The following CABCOCO1 variants were observed in gnomAD, a reference collection of about 807,000 sequenced individuals.
CABCOCO1 encodes ciliary-associated calcium-binding coiled-coil protein 1.
In CABCOCO1, 28 loss-of-function variants were observed where a neutral mutation model predicts 35.7. The ratio of observed to expected loss-of-function variants is 0.78; its 90% CI spans 0.58 to 1.07. CABCOCO1 has a LOEUF of 1.07. Among genes scored for constraint, CABCOCO1 ranks in the 50% least tolerant of loss-of-function variants. The probability of loss-of-function intolerance (pLI) is 0.00; values close to 1 mark genes in which losing one functional copy is unlikely to be tolerated. For missense variants in CABCOCO1, 326 were observed against 309.2 expected (o/e 1.05, Z -0.41); for synonymous variants, 95 against 100.1 (o/e 0.95, Z 0.30).
chr10:61,763,791 A>T (rs950164390), intron 7 of CABCOCO1, among the ~76,000 whole-genome samples: 2 of 137,404 alleles, frequency 1.5e-5, no homozygotes, highest in Non-Finnish European at 3.2e-5. Flanking sequence ...TTTTTTCCTT[A>T]AAAAAAAAAA....
At chr10:61,709,412 G>T (rs1372052362) in intron 5 of CABCOCO1, among the ~76,000 whole-genome samples, 1 of 151,982 alleles carries the variant, frequency 6.6e-6, no homozygotes, top group African/African-American at 2.4e-5. Context: ...TTGGAACTAA[G>T]TCAGTTTAAG....
At chr10:61,695,406 A>G (rs1241596654) in intron 5 of CABCOCO1, among the ~76,000 whole-genome samples, 3 of 151,958 alleles carry the variant, frequency 2.0e-5, no homozygotes, top group South Asian at 2.1e-4. Flanking sequence ...ACAAAAGTCA[A>G]TTCTAGAATG....
At chr10:61,752,829 C>G (rs1259776506) in intron 5 of CABCOCO1, among the ~76,000 whole-genome samples, 1 of 152,310 alleles carries the variant, frequency 6.6e-6, no homozygotes, top group African/African-American at 2.4e-5. Flanking sequence ...TTTTAAGAAG[C>G]TTAGCCCCCA....
At chr10:61,677,753 TTC>T (rs1304548393) in intron 2 of CABCOCO1, among the ~76,000 whole-genome samples, 3 of 151,482 alleles carry the variant, frequency 2.0e-5, no homozygotes, top group Non-Finnish European at 4.4e-5. Context: ...TGTCCATGTG[TTC>T]TCTTTGTTCA....
intron 5 of CABCOCO1, among the ~76,000 whole-genome samples, chr10:61,706,220 A>G (rs1368020771): frequency 6.6e-6 from 1 of 152,186 alleles, no homozygotes; most frequent in Non-Finnish European, 1.5e-5. Flanking sequence ...TGCTAACCAA[A>G]TATATATGTT....
At chr10:61,680,652 T>TTATGTTATACATGTATAACATATA (rs1839729516) in intron 2 of CABCOCO1, among the ~76,000 whole-genome samples, 2 of 38,046 alleles carry the variant, frequency 5.3e-5, no homozygotes, top group African/African-American at 1.2e-4. Flanking sequence ...ATAATATATA[T>TTATGTTATACATGTATAACATATA]TATGTTATAC....
intron 5 of CABCOCO1, among the ~76,000 whole-genome samples, chr10:61,706,600 C>T (rs757359109): frequency 3.3e-5 from 5 of 152,030 alleles, no homozygotes; most frequent in Admixed American, 2.6e-4. Flanking sequence ...ATATTTGGCC[C>T]GCTGCTTGGA....
chr10:61,751,867 G>GA (rs754751896), intron 5 of CABCOCO1, among the ~76,000 whole-genome samples: 10 of 152,128 alleles, frequency 6.6e-5, no homozygotes, highest in South Asian at 2.1e-4. Flanking sequence ...CATTTAAGGG[G>GA]AAAAAAATCT....
chr10:61,736,986 C>G (rs1252094484), intron 5 of CABCOCO1, among the ~76,000 whole-genome samples: 1 of 151,996 alleles, frequency 6.6e-6, no homozygotes, highest in Non-Finnish European at 1.5e-5. Flanking sequence ...TTTTTGTACA[C>G]TGATTTTGTA....
intron 5 of CABCOCO1, among the ~76,000 whole-genome samples, chr10:61,740,809 G>A (rs1244912245): frequency 1.3e-5 from 2 of 152,160 alleles, no homozygotes; most frequent in African/African-American, 4.8e-5. Context: ...ACATCAAGAA[G>A]TAAATCATAA....
intron 5 of CABCOCO1, among the ~76,000 whole-genome samples, chr10:61,691,561 G>A (rs1371082565): frequency 1.3e-5 from 2 of 151,928 alleles, no homozygotes; most frequent in African/African-American, 4.8e-5. Context: ...TGTTACATAG[G>A]TATACACATG....
chr10:61,730,249 A>C (rs781094854), intron 5 of CABCOCO1, among the ~76,000 whole-genome samples: 5 of 152,046 alleles, frequency 3.3e-5, no homozygotes, highest in Non-Finnish European at 7.4e-5. Context: ...GGGCTGGAAT[A>C]TGTTATCATG....
intron 5 of CABCOCO1, among the ~76,000 whole-genome samples, chr10:61,731,802 A>G (rs189648147): frequency 1.2e-3 from 136 of 114,838 alleles, no homozygotes; most frequent in African/African-American, 4.3e-3. Flanking sequence ...GAAGGGGGGG[A>G]AAGTTTCTTT....
At chr10:61,687,197 T>C (rs1010796034) in intron 4 of CABCOCO1, among the ~76,000 whole-genome samples, 12 of 152,206 alleles carry the variant, frequency 7.9e-5, no homozygotes, top group Admixed American at 5.9e-4. Flanking sequence ...CGTAATAACA[T>C]TTAAAACAAT....
chr10:61,669,557 T>G (rs10994867), intron 1 of CABCOCO1, among the ~76,000 whole-genome samples: 121,399 of 151,888 alleles, frequency 0.8, 49,070 homozygotes, highest in Middle Eastern at 0.95. Flanking sequence ...CTCATGCAAG[T>G]CACTGTATAA....
At chr10:61,689,526 G>A (rs758854733) in intron 4 of CABCOCO1, among the ~76,000 whole-genome samples, 2 of 152,044 alleles carry the variant, frequency 1.3e-5, no homozygotes, top group African/African-American at 2.4e-5. Context: ...CTCAGCTGCC[G>A]GAGGATTTCT....
At chr10:61,750,575 C>T (rs1841759587) in intron 5 of CABCOCO1, among the ~76,000 whole-genome samples, 1 of 152,060 alleles carries the variant, frequency 6.6e-6, no homozygotes, top group African/African-American at 2.4e-5. Flanking sequence ...GACTGTGTCT[C>T]CAAAAACTAA....
intron 7 of CABCOCO1, among the ~76,000 whole-genome samples, chr10:61,761,453 A>G (rs1842007947): frequency 1.3e-5 from 2 of 152,068 alleles, no homozygotes; most frequent in African/African-American, 4.8e-5. Context: ...AGTAATGGCT[A>G]AGCAGTTTAC....
chr10:61,672,059 ACTC>A (rs1839376658), intron 1 of CABCOCO1, among the ~76,000 whole-genome samples: 1 of 151,814 alleles, frequency 6.6e-6, no homozygotes. Flanking sequence ...TATTTACAGA[ACTC>A]CTTCCTAATT....
Sources: gnomAD v4.1 joint callset for allele counts (sites outside exome capture counted in the v4.1 genomes callset) on GRCh38, gnomAD v4.1.1 for gene constraint, MANE v1.5 for transcripts, NCBI Gene and HGNC (gene_info 2026-07-23, HGNC 2026-07-21) for gene names.